DYDC1: variants seen among roughly 807,000 people sequenced by gnomAD.
DYDC1 encodes the protein DPY30 domain-containing protein 1.
A neutral mutation model predicts 27.9 loss-of-function variants in DYDC1; 21 were observed. That is an observed-to-expected ratio of 0.75 (90% CI 0.53 to 1.08). The LOEUF (loss-of-function observed/expected upper bound fraction) is 1.08, where lower values mean the gene tolerates loss of function less well. Among genes scored for constraint, DYDC1 ranks in the 50% least tolerant of loss-of-function variants. DYDC1 has a pLI of 0.00. For synonymous variants in DYDC1, 67 were observed against 65.8 expected (o/e 1.02, Z -0.09); for missense variants, 202 against 205.9 (o/e 0.98, Z 0.12).
intron 2 of DYDC1, 85 bp from the exon 3 acceptor site, chr10:80,352,087 C>A (rs553434855): frequency 9.5e-6 from 12 of 1,260,604 alleles, no homozygotes; most frequent in Non-Finnish European, 1.4e-5. Context: ...TTAATAGGAA[C>A]AATTAGGGAA....
In DYDC1 at chr10:80,342,379, T is replaced by C. The variant is rs1260728162; in HGVS notation, c.250-18A>G. 1.2e-6 allele frequency: 2 copies of C among 1,610,494 alleles called. No homozygotes were observed. Among genetic ancestry groups the C allele is most frequent in the Non-Finnish European group, 8.5e-7 (1 of 1,178,832 alleles). On this transcript the variant is annotated intron_variant, in intron 3 of 6. Coordinates refer to ENST00000372202, the MANE Select transcript of DYDC1 (RefSeq NM_001269053.2). ...AGCTGTTGCTGAATATTCAGAAATA[T>C]GTCATATTACAGTTAGATTAATTGC...
At chr10:80,352,993 G>A (rs567196389) in intron 1 of DYDC1, among the ~76,000 whole-genome samples, 5 of 152,174 alleles carry the variant, frequency 3.3e-5, no homozygotes, top group South Asian at 4.1e-4. Context: ...CACAGACAGC[G>A]TAAGTGCACA....
chr10:80,356,612 C>T, intron 1 of DYDC1, 100 bp downstream of exon 1: 1 of 985,472 alleles, frequency 1.0e-6, no homozygotes, highest in Non-Finnish European at 1.2e-6. Context: ...TCCTGCTCGA[C>T]GCCCAAGGCC....
chr10:80,346,995 G>A (rs901718417), intron 3 of DYDC1, among the ~76,000 whole-genome samples: 2 of 151,886 alleles, frequency 1.3e-5, no homozygotes, highest in East Asian at 3.9e-4. Flanking sequence ...CAGGAGAATC[G>A]CTTGAACCCA....
At chr10:80,344,827 T>C in intron 3 of DYDC1, 1 of 225,332 alleles carries the variant, frequency 4.4e-6, no homozygotes, top group South Asian at 5.9e-5. Context: ...TAAGTCCAAT[T>C]AAACCTCTTT....
intron 6 of DYDC1, chr10:80,338,118 A>T (rs1173133551): frequency 3.0e-6 from 3 of 985,342 alleles, no homozygotes; most frequent in Admixed American, 6.1e-5. Context: ...CATTCTCATT[A>T]AGGCATTAAT....
chr10:80,353,617 C>G (rs567687199), intron 1 of DYDC1, among the ~76,000 whole-genome samples: 2 of 149,854 alleles, frequency 1.3e-5, no homozygotes, highest in East Asian at 4.1e-4. Context: ...TTTGGGAGGC[C>G]GAGGCGGGCG....
intron 3 of DYDC1, among the ~76,000 whole-genome samples, chr10:80,347,959 T>C (rs1842768491): frequency 6.6e-6 from 1 of 152,192 alleles, no homozygotes; most frequent in Non-Finnish European, 1.5e-5. Flanking sequence ...TCCATACAAA[T>C]TTTAGAATTG....
intron 6 of DYDC1, chr10:80,337,335 T>C: frequency 5.1e-6 from 5 of 985,474 alleles, no homozygotes; most frequent in Non-Finnish European, 6.0e-6. Context: ...AAATCATAGC[T>C]GACCTTTAAT....
chr10:80,349,854 T>C (rs920683691), intron 3 of DYDC1, among the ~76,000 whole-genome samples: 2 of 152,200 alleles, frequency 1.3e-5, no homozygotes, highest in Non-Finnish European at 2.9e-5. Flanking sequence ...AACTAAGCTC[T>C]TACATAGAAA....
rs1843058955 is a variant in DYDC1, at chr10:80,352,511, C to G, written c.91G>C (p.Glu31Gln). 3 of 1,613,344 alleles carry G rather than the reference C, an allele frequency of 1.9e-6. No homozygotes were observed. In the Admixed American group the frequency reaches 5.0e-5, roughly 27 times the overall value. ...TTGTAAATCCACAATGCTAAATATT[C>G]TATCGGATCCACTGGGCGAACTCTT... is the stretch of plus-strand genomic sequence containing the variant. The part of the protein sequence containing the change: ...VARVRPVDPI[E>Q]YLALWIYKYK... The change falls in exon 2 of 7, where the codon GAA becomes CAA. Residue 31 changes from glutamate to glutamine, a missense_variant. Glu to Gln is a conservative substitution (Grantham distance 29). Transcript: ENST00000372202.
chr10:80,351,838 T>A lies in DYDC1; in HGVS notation c.249+63A>T, dbSNP rs1564666293. 4 of 1,451,728 alleles carry A rather than the reference T, an allele frequency of 2.8e-6. 1 individual carries two copies. The Admixed American group carries it at 7.3e-5, about 27-fold the overall frequency. The allele number at this position is 1,451,728 out of a possible 1,614,324, so 89.9% of individuals were successfully genotyped here. A position where few individuals can be genotyped will look rare whatever the true frequency, so the allele number is the denominator to read the frequency against. On this transcript the variant is annotated intron_variant, in intron 3 of 6. Coordinates refer to ENST00000372202, the MANE Select transcript of DYDC1 (RefSeq NM_001269053.2). ...CTGGGAAGTTTATCAACATTTAGGC[T>A]GTGCCATGCTGAGGTTGGCATCGTT...
At chr10:80,350,335 A>G (rs2018325244) in intron 3 of DYDC1, among the ~76,000 whole-genome samples, 1 of 152,152 alleles carries the variant, frequency 6.6e-6, no homozygotes, top group Admixed American at 6.5e-5. Context: ...CCCACTTACG[A>G]TGTAATTGCC....
intron 4 of DYDC1, among the ~76,000 whole-genome samples, chr10:80,340,724 C>T (rs1045019214): frequency 1.2e-4 from 19 of 152,088 alleles, no homozygotes; most frequent in African/African-American, 4.3e-4. Flanking sequence ...ATATAAATAG[C>T]TGTACATATT....
At chr10:80,346,189 T>A (rs1394494621) in intron 3 of DYDC1, among the ~76,000 whole-genome samples, 2 of 151,700 alleles carry the variant, frequency 1.3e-5, no homozygotes, top group African/African-American at 4.8e-5. Context: ...GACATTTATG[T>A]TGTTTCCAAA....
chr10:80,339,723 C>A (rs1589497896), intron 4 of DYDC1, among the ~76,000 whole-genome samples: 2 of 152,202 alleles, frequency 1.3e-5, no homozygotes, highest in East Asian at 3.8e-4. Flanking sequence ...TCTACCTTTT[C>A]ATTCTAAAGC....
In DYDC1 at chr10:80,339,097, C is replaced by T; in HGVS notation, c.399G>A (p.Glu133=). Residue 133 remains glutamate (E), a splice_region_variant and synonymous_variant, in exon 5 of 7, where the codon GAG becomes GAA. Transcript: ENST00000372202. ...ACATAGAATGACTTTTTCTTCTCAC[C>T]TCTGAATGTAGAATATCTTCATTCC... is the stretch of plus-strand genomic sequence containing the variant. ...LVRNEDILHS[E]EATLDSGKTL... The T allele has an allele frequency of 7.2e-7, 1 of 1,385,788 alleles. No homozygotes were observed. The allele number at this position is 1,385,788 out of a possible 1,614,324, so 85.8% of individuals were successfully genotyped here.
intron 5 of DYDC1, among the ~76,000 whole-genome samples, chr10:80,338,788 C>A (rs1418350138): frequency 6.6e-6 from 1 of 152,040 alleles, no homozygotes; most frequent in African/African-American, 2.4e-5. Flanking sequence ...AATACTAGAA[C>A]TTTTTTTAAA....
At chr10:80,344,383 G>A (rs530767707) in intron 3 of DYDC1, among the ~76,000 whole-genome samples, 1 of 152,182 alleles carries the variant, frequency 6.6e-6, no homozygotes, top group Non-Finnish European at 1.5e-5. Flanking sequence ...AGCAACATCA[G>A]TAGTCAACTA....
Sources: allele counts gnomAD v4.1 joint callset (sites outside exome capture counted in the v4.1 genomes callset), GRCh38; gene constraint gnomAD v4.1.1; transcripts MANE v1.5; gene names NCBI Gene and HGNC (gene_info 2026-07-23, HGNC 2026-07-21).